LRP1B: variants seen among roughly 807,000 people sequenced by gnomAD.
LRP1B encodes low-density lipoprotein receptor-related protein 1B.
LRP1B carries 217 observed loss-of-function variants against 556.6 expected under a neutral mutation model. The observed-to-expected ratio is 0.39, with a 90% confidence interval of 0.35 to 0.44. The LOEUF (loss-of-function observed/expected upper bound fraction) is 0.44, where lower values mean the gene tolerates loss of function less well. LRP1B is among the 20% of genes least tolerant of loss of function. LRP1B has a pLI of 1.00. For missense variants in LRP1B, 5,053 were observed against 5,620.8 expected (o/e 0.90, Z 3.23); for synonymous variants, 2,047 against 1,865.8 (o/e 1.10, Z -2.50).
chr2:141,217,481 G>C (rs1682861393), intron 6 of LRP1B, among the ~76,000 whole-genome samples: 1 of 152,096 alleles, frequency 6.6e-6, no homozygotes, highest in African/African-American at 2.4e-5. Flanking sequence ...ATAGAAGACA[G>C]AGGTGAACTA....
At chr2:141,466,098 A>T (rs1274094702) in intron 3 of LRP1B, among the ~76,000 whole-genome samples, 1 of 151,094 alleles carries the variant, frequency 6.6e-6, no homozygotes, top group Non-Finnish European at 1.5e-5. Context: ...CATCTTGACC[A>T]GGCTGGTCTT....
At chr2:141,755,602 C>A (rs1694289379) in intron 2 of LRP1B, among the ~76,000 whole-genome samples, 1 of 152,000 alleles carries the variant, frequency 6.6e-6, no homozygotes. Context: ...AACAAGTCAG[C>A]AATATGTTTA....
At chr2:141,911,368 TA>T (rs1418507505) in intron 1 of LRP1B, among the ~76,000 whole-genome samples, 1 of 152,192 alleles carries the variant, frequency 6.6e-6, no homozygotes, top group African/African-American at 2.4e-5. Flanking sequence ...CGAAGTCATA[TA>T]AGTAAAAGAC....
At chr2:140,287,104 C>G (rs1683181173) in intron 84 of LRP1B, among the ~76,000 whole-genome samples, 1 of 151,808 alleles carries the variant, frequency 6.6e-6, no homozygotes, top group Non-Finnish European at 1.5e-5. Context: ...CCTAGCATTT[C>G]TTCAACAAAT....
At chr2:140,492,969 A>C (rs1047942347) in intron 56 of LRP1B, among the ~76,000 whole-genome samples, 2 of 152,172 alleles carry the variant, frequency 1.3e-5, no homozygotes, top group African/African-American at 4.8e-5. Flanking sequence ...GAATTAGTAG[A>C]AAATATCTGC....
chr2:140,389,834 T>C (rs1398416553), intron 66 of LRP1B, among the ~76,000 whole-genome samples: 1 of 151,570 alleles, frequency 6.6e-6, no homozygotes. Flanking sequence ...TGTTGTAAAA[T>C]TACATGGAAA....
chr2:140,994,432 T>A (rs1176864097), intron 15 of LRP1B, among the ~76,000 whole-genome samples: 2 of 149,572 alleles, frequency 1.3e-5, no homozygotes. Flanking sequence ...TCACAATTTC[T>A]AAGTCGAATA....
intron 31 of LRP1B, 89 bp from the exon 32 acceptor site, chr2:140,813,895 T>A (rs1691015288): frequency 1.9e-5 from 17 of 911,276 alleles, no homozygotes; most frequent in Middle Eastern, 5.2e-4. Flanking sequence ...GGGAAAAAAA[T>A]AAGTTGAAAG....
chr2:140,881,800 G>A (rs1399883075), intron 25 of LRP1B, among the ~76,000 whole-genome samples: 1 of 152,032 alleles, frequency 6.6e-6, no homozygotes, highest in Non-Finnish European at 1.5e-5. Context: ...TCAACTCTTC[G>A]AGGATATTTC....
chr2:140,830,767 G>A (rs1470252803), intron 31 of LRP1B, among the ~76,000 whole-genome samples: 1 of 151,924 alleles, frequency 6.6e-6, no homozygotes, highest in Non-Finnish European at 1.5e-5. Flanking sequence ...AAGGAAGAAG[G>A]CAAATTATTT....
chr2:141,780,564 G>T (rs1251977709), intron 2 of LRP1B, among the ~76,000 whole-genome samples: 5 of 152,074 alleles, frequency 3.3e-5, no homozygotes, highest in Non-Finnish European at 5.9e-5. Flanking sequence ...CTCCCACCAC[G>T]GGCTATTTTA....
rs1311880173 is a variant in LRP1B, at chr2:140,769,294, G to A, written c.5677C>T (p.Pro1893Ser). The A allele has an allele frequency of 4.3e-6, 7 of 1,611,800 alleles. No homozygotes were observed. Among genetic ancestry groups the A allele is most frequent in the Non-Finnish European group, 5.9e-6 (7 of 1,178,470 alleles). ...TCCATTTTGTCACTTGGTTCAAGAG[G>A]TATTCCCCTGATTCCTTCATGAACA... ...YSVHEGIRGI[P>S]LEPSDKMDAL... The change falls in exon 35 of 91, where the codon CCT becomes TCT. Residue 1893 changes from proline (P) to serine (S), a missense_variant. Pro to Ser is a moderately conservative substitution (Grantham distance 74). Around this residue, in one of 5 missense-constraint regions of LRP1B, gnomAD observed 3,619 missense variants for 3,931.9 expected, o/e 0.92. Coordinates refer to ENST00000389484, the MANE Select transcript of LRP1B (RefSeq NM_018557.3).
At chr2:140,722,933 C>T (rs192713639) in intron 35 of LRP1B, among the ~76,000 whole-genome samples, 1,901 of 152,168 alleles carry the variant, frequency 0.012, 37 homozygotes, top group South Asian at 0.042. Context: ...TTCCCAGCTA[C>T]TCGGGAGGCT....
At chr2:141,958,180 T>A (rs552266258) in intron 1 of LRP1B, among the ~76,000 whole-genome samples, 2 of 152,056 alleles carry the variant, frequency 1.3e-5, no homozygotes, top group African/African-American at 4.8e-5. Flanking sequence ...AGCGTCACCC[T>A]GGTAAACAAA....
At position 140,433,193 on chromosome 2, in the gene LRP1B, G is replaced by T. The variant is rs141702290; in HGVS notation, c.10414+9311C>A. Among the ~76,000 whole-genome samples the T allele has an allele frequency of 2.0e-3, 299 of 152,146 alleles. 2 individuals carry two copies. The highest frequency in any genetic ancestry group is 4.1e-3 in the Admixed American group (62 of 15,260). On this transcript the variant is annotated intron_variant, in intron 66 of 90. Transcript: ENST00000389484. ...GGCTCACTGCAACCACCGCCTCCTG[G>T]GTGCAACAATTCTTCTGTCTCAGTC... is the stretch of plus-strand genomic sequence containing the variant.
chr2:140,509,789 T>G, intron 52 of LRP1B, 139 bp downstream of exon 52: 2 of 1,152,156 alleles, frequency 1.7e-6, no homozygotes, highest in Non-Finnish European at 1.2e-6. Flanking sequence ...TCATCCCACC[T>G]GATTAAGTCC....
chr2:141,077,074 G>A (rs6734981), intron 7 of LRP1B, among the ~76,000 whole-genome samples: 38,955 of 151,872 alleles, frequency 0.26, 5,352 homozygotes, highest in East Asian at 0.44. Context: ...GTGAAACCCC[G>A]GCTTTACTAA....
At chr2:141,933,502 G>T (rs2104999149) in intron 1 of LRP1B, among the ~76,000 whole-genome samples, 1 of 152,178 alleles carries the variant, frequency 6.6e-6, no homozygotes, top group Non-Finnish European at 1.5e-5. Flanking sequence ...GAAACCACTT[G>T]ACTCTCCCCA....
intron 18 of LRP1B, among the ~76,000 whole-genome samples, chr2:140,961,291 A>T (rs1696025363): frequency 6.6e-6 from 1 of 152,014 alleles, no homozygotes; most frequent in Non-Finnish European, 1.5e-5. Flanking sequence ...ATTTACCACT[A>T]TCAAATTTTA....
Sources: allele counts gnomAD v4.1 joint callset (sites outside exome capture counted in the v4.1 genomes callset), GRCh38; gene constraint gnomAD v4.1.1; regional missense constraint gnomAD v4.1.1; transcripts MANE v1.5; gene names NCBI Gene and HGNC (gene_info 2026-07-23, HGNC 2026-07-21).